The following DDHD1 variants were observed in gnomAD, a reference collection of about 807,000 sequenced individuals.
The protein encoded by DDHD1 is phospholipase DDHD1.
Under a neutral mutation model 96.4 loss-of-function variants are expected in DDHD1, and 49 were observed. The observed-to-expected ratio is 0.51, with a 90% CI of 0.40 to 0.64. The LOEUF (loss-of-function observed/expected upper bound fraction) is 0.64. DDHD1 is among the 30% of genes least tolerant of loss of function. DDHD1 has a pLI of 0.00. For synonymous variants in DDHD1, 442 were observed against 446.5 expected (o/e 0.99, Z 0.13); for missense variants, 1,106 against 1,161.2 (o/e 0.95, Z 0.69).
chr14:53,093,656 G>T (rs978306230), intron 2 of DDHD1: 7 of 508,316 alleles, frequency 1.4e-5, no homozygotes, highest in Non-Finnish European at 2.3e-5. Flanking sequence ...TCCTGCTACA[G>T]GGAATGGCAA....
At chr14:53,068,102 C>A (rs569510536) in intron 6 of DDHD1, among the ~76,000 whole-genome samples, 1 of 152,036 alleles carries the variant, frequency 6.6e-6, no homozygotes, top group East Asian at 1.9e-4. Flanking sequence ...ATTCTGCCAG[C>A]GTATCTAATA....
chr14:53,054,388 A>G, intron 11 of DDHD1, 50 bp downstream of exon 11: 4 of 1,558,042 alleles, frequency 2.6e-6, no homozygotes, highest in Non-Finnish European at 3.5e-6. Context: ...GCCCTCCCCA[A>G]GTTTTAAAAA....
At chr14:53,087,942 A>G (rs993393570) in intron 4 of DDHD1, among the ~76,000 whole-genome samples, 6 of 152,240 alleles carry the variant, frequency 3.9e-5, no homozygotes, top group Non-Finnish European at 5.9e-5. Flanking sequence ...GAAAAAAGAG[A>G]AGAATCAAAT....
chr14:53,095,794 G>C (rs1886838149), intron 2 of DDHD1, among the ~76,000 whole-genome samples: 1 of 152,092 alleles, frequency 6.6e-6, no homozygotes, highest in African/African-American at 2.4e-5. Context: ...TGTTAAAATA[G>C]TTGTGAGCAA....
chr14:53,061,225 T>TAC lies in DDHD1; in HGVS notation c.1767-26_1767-25dup, dbSNP rs548735262. On this transcript the variant is annotated intron_variant, in intron 7 of 12. Transcript: ENST00000673822. ...GCCTAAGAAGGGGTATGAGATTATA[T>TAC]ACACACACGTATTTATAATTTCATA... The TAC allele has an allele frequency of 7.9e-5, 125 of 1,573,726 alleles. 1 individual carries two copies. The Admixed American group carries it at 1.3e-3, about 16-fold the overall frequency.
chr14:53,126,322 A>C (rs1242858793), intron 1 of DDHD1, among the ~76,000 whole-genome samples: 1 of 152,224 alleles, frequency 6.6e-6, no homozygotes, highest in East Asian at 1.9e-4. Flanking sequence ...ATGAATTCAA[A>C]CATTTTCATT....
At position 53,152,956 on chromosome 14, in the gene DDHD1, T is replaced by C. The variant is rs1891569066; in HGVS notation, c.143A>G (p.Asp48Gly). Residue 48 changes from aspartate to glycine, a missense_variant, in exon 1 of 13, where the codon GAC becomes GGC. By Grantham distance (94) the Asp-to-Gly change is moderately conservative. Transcript: ENST00000673822. ...CAGGGGCACGTCGCCGTCGTCCGGG[T>C]CCCCGCCGGGCAGGTGCTCGAAGCA... is the stretch of plus-strand genomic sequence containing the variant. Reference protein sequence around the residue: ...VCCFEHLPGGDPDDGDVPLAL... With the variant: ...VCCFEHLPGGGPDDGDVPLAL... 2.1e-5 allele frequency: 33 copies of C among 1,588,076 alleles called. No individual in the cohort carries two copies. Among genetic ancestry groups the C allele is most frequent in the Non-Finnish European group, 2.7e-5 (32 of 1,170,516 alleles).
rs1189242936 is a variant in DDHD1 at position 53,152,383 on chromosome 14, T to C, written c.716A>G (p.Gln239Arg). Residue 239 changes from glutamine to arginine, a missense_variant, in exon 1 of 13, where the codon CAG becomes CGG. By Grantham distance (43) the Gln-to-Arg change is conservative. Around this residue, in one of 2 missense-constraint regions of DDHD1, gnomAD observed 456 missense variants for 402.4 expected, o/e 1.13. Transcript: ENST00000673822. ...DDEDRACGFCQSTTGHEPEMV... is the reference protein window; with the variant it reads ...DDEDRACGFCRSTTGHEPEMV... ...CTCCGGCTCGTGCCCCGTCGTACTCTGGCAGAAGCCGCAGGCGCGGTCCTC... is the reference window on the plus strand; with the variant it reads ...CTCCGGCTCGTGCCCCGTCGTACTCCGGCAGAAGCCGCAGGCGCGGTCCTC... 2 of 1,613,866 alleles carry C rather than the reference T, an allele frequency of 1.2e-6. No homozygotes were observed. The highest frequency in any genetic ancestry group is 1.7e-6 in the Non-Finnish European group (2 of 1,179,986).
rs549224044 is a variant in DDHD1 at position 53,107,821 on chromosome 14, T to C, written c.839-3965A>G. 1.1e-3 allele frequency among the ~76,000 whole-genome samples: 171 copies of C among 152,182 alleles called. 1 individual carries two copies. The highest frequency in any genetic ancestry group is 3.9e-3 in the African/African-American group (163 of 41,530). On this transcript the variant is annotated intron_variant, in intron 1 of 12. Transcript: ENST00000673822. ...GAGCCTAGCTGGGAAGGTGACTGCA[T>C]CCACCTTTAAACACGGGGCTTGCAA...
chr14:53,136,635 G>A (rs936942181), intron 1 of DDHD1, among the ~76,000 whole-genome samples: 2 of 152,128 alleles, frequency 1.3e-5, no homozygotes. Flanking sequence ...CTCATATAAG[G>A]CAATAAATAG....
intron 4 of DDHD1, among the ~76,000 whole-genome samples, chr14:53,074,695 A>C (rs1023350298): frequency 6.6e-6 from 1 of 152,110 alleles, no homozygotes; most frequent in African/African-American, 2.4e-5. Context: ...ACATGTCTCT[A>C]CTATAGGCTC....
chr14:53,052,591 G>T (rs754886306), intron 11 of DDHD1: 2 of 151,916 alleles, frequency 1.3e-5, no homozygotes, highest in Admixed American at 6.6e-5. Flanking sequence ...AAATTATGAC[G>T]ATTACACAGA....
At chr14:53,074,335 TATTACA>T (rs1425176542) in intron 4 of DDHD1, among the ~76,000 whole-genome samples, 2 of 151,816 alleles carry the variant, frequency 1.3e-5, no homozygotes, top group Non-Finnish European at 2.9e-5. Context: ...TTGTGATTAG[TATTACA>T]ATTACAATTA....
At chr14:53,053,716 G>A (rs987206497) in intron 11 of DDHD1, 2 of 152,032 alleles carry the variant, frequency 1.3e-5, no homozygotes, top group African/African-American at 4.8e-5. Flanking sequence ...TTTCATTATA[G>A]GTGTCAATGA....
At chr14:53,047,586 A>G (rs1869724092) in intron 12 of DDHD1, among the ~76,000 whole-genome samples, 1 of 152,204 alleles carries the variant, frequency 6.6e-6, no homozygotes, top group African/African-American at 2.4e-5. Flanking sequence ...CAACAAAAGA[A>G]GAACATGCAG....
At chr14:53,126,268 A>C (rs1178170529) in intron 1 of DDHD1, among the ~76,000 whole-genome samples, 2 of 152,246 alleles carry the variant, frequency 1.3e-5, no homozygotes, top group Non-Finnish European at 2.9e-5. Context: ...ATTCATTATG[A>C]TACACAAAAA....
intron 6 of DDHD1, among the ~76,000 whole-genome samples, chr14:53,066,229 G>A (rs368961620): frequency 4.6e-5 from 7 of 152,186 alleles, no homozygotes; most frequent in African/African-American, 9.6e-5. Context: ...TCAGCTCACC[G>A]CAACCTCTGC....
At chr14:53,108,187 G>A (rs565072727) in intron 1 of DDHD1, among the ~76,000 whole-genome samples, 1 of 152,118 alleles carries the variant, frequency 6.6e-6, no homozygotes, top group African/African-American at 2.4e-5. Context: ...CTCCGGATCC[G>A]GCAGGGTGTC....
intron 1 of DDHD1, among the ~76,000 whole-genome samples, chr14:53,105,824 C>T (rs184038188): frequency 2.9e-4 from 44 of 152,088 alleles, no homozygotes; most frequent in African/African-American, 1.1e-3. Flanking sequence ...TTTATAGTTA[C>T]CATGTTTGTT....
Sources: gnomAD v4.1 joint callset for allele counts (sites outside exome capture counted in the v4.1 genomes callset) on GRCh38, gnomAD v4.1.1 for gene constraint, gnomAD v4.1.1 regional missense constraint, MANE v1.5 for transcripts, NCBI Gene and HGNC (gene_info 2026-07-23, HGNC 2026-07-21) for gene names.